MEPE: variants seen among roughly 807,000 people sequenced by gnomAD.
MEPE encodes the protein matrix, extracellular phosphoglycoprotein with ASARM motif (bone).
A neutral mutation model predicts 7.3 loss-of-function variants in MEPE; 7 were observed. The ratio of observed to expected loss-of-function variants is 0.95; its 90% CI spans 0.54 to 1.79. The LOEUF (loss-of-function observed/expected upper bound fraction) is 1.79. Among genes scored for constraint, MEPE ranks in the 40% most tolerant of loss-of-function variants. The pLI, the probability that MEPE is intolerant of heterozygous loss-of-function variation, is 0.00. For missense variants in MEPE, 623 were observed against 628.2 expected, an observed-to-expected ratio of 0.99 and a Z score of 0.09; for synonymous variants, 214 against 213.1, an observed-to-expected ratio of 1.00 and a Z score of -0.04.
At chr4:87,834,949 CAT>C (rs1177738626) in intron 2 of MEPE, among the ~76,000 whole-genome samples, 181 bp downstream of exon 2, 6 of 152,144 alleles carry the variant, frequency 3.9e-5, no homozygotes, top group African/African-American at 1.4e-4. Context: ...TCTCAATAAA[CAT>C]GTGCTGAATT....
chr4:87,846,517 C>A lies in MEPE; in HGVS notation c.*71C>A. On this transcript the variant is annotated 3_prime_UTR_variant, in exon 4 of 4. Transcript: ENST00000361056. Reference sequence around the variant, plus strand: ...CCTGTGAGTTGATGTAGAGGAGAGCCACCTGACAGCTGACCAGGTGAAGAG... The same window carrying A: ...CCTGTGAGTTGATGTAGAGGAGAGCAACCTGACAGCTGACCAGGTGAAGAG... The A allele has an allele frequency of 6.7e-7, 1 of 1,491,036 alleles. No individual in the cohort carries two copies. Among genetic ancestry groups the A allele is most frequent in the Non-Finnish European group, 9.0e-7 (1 of 1,108,616 alleles). 92.4% of individuals were successfully genotyped at this position (1,491,036 alleles called of 1,614,324 possible).
rs868133447 is a variant in MEPE at position 87,846,216 on chromosome 4, G to A, written c.1348G>A (p.Glu450Lys). ...TGGTCTTGATAATGAAATCAAAAACGAAATGGATTCCTTTAATGGCCCCAG... is the reference window on the plus strand; with the variant it reads ...TGGTCTTGATAATGAAATCAAAAACAAAATGGATTCCTTTAATGGCCCCAG... Reference protein sequence around the residue: ...SRGLDNEIKNEMDSFNGPSHE... With the variant: ...SRGLDNEIKNKMDSFNGPSHE... The change falls in exon 4 of 4, where the codon GAA (glutamate) becomes AAA (lysine). Residue 450 changes from glutamate (E) to lysine (K), a missense_variant. Coordinates refer to ENST00000361056, the MANE Select transcript of MEPE (RefSeq NM_020203.6). 1.1e-5 allele frequency: 17 copies of A among 1,613,852 alleles called. No individual in the cohort carries two copies. The highest frequency in any genetic ancestry group is 1.6e-4 in the Middle Eastern group (1 of 6,084).
At position 87,846,483 on chromosome 4, in the gene MEPE, A is replaced by C. The variant is rs200104318; in HGVS notation, c.*37A>C. On this transcript the variant is annotated 3_prime_UTR_variant, in exon 4 of 4. Transcript: ENST00000361056. ...TTCCCAGCGGGGTGACAGTCTGAAG[A>C]CCTCGTCACCTGTGAGTTGATGTAG... The C allele has an allele frequency of 1.9e-6, 3 of 1,578,784 alleles. No homozygotes were observed. The highest frequency in any genetic ancestry group is 2.7e-5 in the African/African-American group (2 of 73,920).
intron 3 of MEPE, chr4:87,839,926 G>T (rs1303931949): frequency 6.5e-7 from 1 of 1,536,430 alleles, no homozygotes; most frequent in African/African-American, 1.4e-5. Flanking sequence ...TCCCTCCCCA[G>T]GCTCCTCAAG....
chr4:87,846,277 A>G lies in MEPE; in HGVS notation c.1409A>G (p.His470Arg). The G allele has an allele frequency of 6.2e-7, 1 of 1,614,080 alleles. No homozygotes were observed. The highest frequency in any genetic ancestry group is 8.5e-7 in the Non-Finnish European group (1 of 1,179,962). Residue 470 changes from histidine to arginine, a missense_variant, in exon 4 of 4, where the codon CAT becomes CGT. Physicochemically the swap from His to Arg is conservative, Grantham distance 29. Transcript: ENST00000361056. ...ATAATAACACATGGCAGAAAATATC[A>G]TTATGTACCCCACAGACAAAATAAT... ...ENIITHGRKY[H>R]YVPHRQNNST...
intron 3 of MEPE, among the ~76,000 whole-genome samples, chr4:87,839,490 A>AAG (rs151167557): frequency 0.026 from 3,982 of 152,228 alleles, 184 homozygotes; most frequent in African/African-American, 0.089. Context: ...TTATGTAGAA[A>AAG]AGAGAAGGAA....
In MEPE at chr4:87,846,466, G is replaced by A. The variant is rs368990363; in HGVS notation, c.*20G>A. 1.7e-4 allele frequency: 273 copies of A among 1,598,446 alleles called. No individual in the cohort carries two copies. Among genetic ancestry groups the A allele is most frequent in the Non-Finnish European group, 2.2e-4 (253 of 1,172,842 alleles). ...GACTAGTCCACCAGGAGTTCCCAGC[G>A]GGGTGACAGTCTGAAGACCTCGTCA... On this transcript the variant is annotated 3_prime_UTR_variant, in exon 4 of 4. Coordinates refer to ENST00000361056, the MANE Select transcript of MEPE (RefSeq NM_020203.6).
intron 2 of MEPE, among the ~76,000 whole-genome samples, chr4:87,837,182 C>T (rs963023046): frequency 7.9e-5 from 12 of 151,962 alleles, no homozygotes; most frequent in South Asian, 6.2e-4. Context: ...TGAGACCACC[C>T]AAGGATCGAA....
In MEPE at chr4:87,827,883, C is replaced by T. The variant is rs532321358; in HGVS notation, c.-13+6412C>T. Among the ~76,000 whole-genome samples the T allele has an allele frequency of 2.6e-5, 4 of 152,276 alleles. No homozygotes were observed. In the East Asian group the frequency reaches 5.8e-4, roughly 22 times the overall value. ...CTGCATCTGGCTGAAATTTTTATGGCTTCTGTTGAAATTCCCAAATGCTGA... is the reference window on the plus strand; with the variant it reads ...CTGCATCTGGCTGAAATTTTTATGGTTTCTGTTGAAATTCCCAAATGCTGA... On this transcript the variant is annotated intron_variant, in intron 1 of 3. Coordinates refer to the MEPE transcript ENST00000424957.
chr4:87,831,271 T>G (rs1341027073), upstream of MEPE, among the ~76,000 whole-genome samples: 2 of 152,136 alleles, frequency 1.3e-5, no homozygotes, highest in African/African-American at 4.8e-5. Flanking sequence ...AGAAATTGAG[T>G]GTCTTAAATT....
intron 1 of MEPE, among the ~76,000 whole-genome samples, chr4:87,827,510 T>C (rs906326965): frequency 4.0e-4 from 61 of 152,192 alleles, no homozygotes; most frequent in African/African-American, 1.4e-3. Context: ...AAGTTCTGTA[T>C]CCTGAGAAGA....
chr4:87,825,091 C>A (rs977280854), intron 1 of MEPE, among the ~76,000 whole-genome samples: 1 of 152,222 alleles, frequency 6.6e-6, no homozygotes, highest in Admixed American at 6.5e-5. Flanking sequence ...GCAATCCACC[C>A]TCTGCAGCTA....
intron 3 of MEPE, among the ~76,000 whole-genome samples, chr4:87,839,439 A>G (rs1031619408): frequency 3.9e-5 from 6 of 152,204 alleles, no homozygotes; most frequent in Admixed American, 2.0e-4. Flanking sequence ...ACCCTAGGAC[A>G]GAAAGCAGTT....
upstream of MEPE, among the ~76,000 whole-genome samples, chr4:87,828,310 C>T (rs2109990151): frequency 6.6e-6 from 1 of 152,156 alleles, no homozygotes; most frequent in Admixed American, 6.5e-5. Flanking sequence ...GTTATTTTGG[C>T]AAGTTAGAAC....
chr4:87,834,610 G>T (rs1722711446), intron 1 of MEPE, 93 bp from the exon 2 acceptor site: 1 of 917,986 alleles, frequency 1.1e-6, no homozygotes, highest in Non-Finnish European at 1.7e-6. Flanking sequence ...AAGGGGAAGG[G>T]TGTTTATATA....
chr4:87,824,200 T>G (rs1722408280), intron 1 of MEPE, among the ~76,000 whole-genome samples: 1 of 152,214 alleles, frequency 6.6e-6, no homozygotes, highest in Non-Finnish European at 1.5e-5. Flanking sequence ...AAAGACCAGA[T>G]AGAAAGTATT....
chr4:87,841,735 A>C (rs1217756727), intron 3 of MEPE, among the ~76,000 whole-genome samples: 1 of 152,220 alleles, frequency 6.6e-6, no homozygotes, highest in East Asian at 1.9e-4. Context: ...AATCTATTTC[A>C]GATAACATCC....
chr4:87,840,840 G>GC (rs1383537089), intron 3 of MEPE, among the ~76,000 whole-genome samples: 1 of 152,084 alleles, frequency 6.6e-6, no homozygotes, highest in Non-Finnish European at 1.5e-5. Flanking sequence ...AATGGGTGAG[G>GC]CCGTTCTCCA....
upstream of MEPE, among the ~76,000 whole-genome samples, chr4:87,828,423 G>A (rs1011095863): frequency 1.3e-5 from 2 of 152,078 alleles, no homozygotes; most frequent in African/African-American, 4.8e-5. Context: ...ACAGAGAAAT[G>A]TGTTACCTTA....
Sources: gnomAD v4.1 joint callset for allele counts (sites outside exome capture counted in the v4.1 genomes callset) on GRCh38, gnomAD v4.1.1 for gene constraint, MANE v1.5 for transcripts, NCBI Gene and HGNC (gene_info 2026-07-23, HGNC 2026-07-21) for gene names.